The following RASSF3 variants were observed in gnomAD, a reference collection of about 807,000 sequenced individuals.
RASSF3 encodes Ras association domain family member 3.
RASSF3 carries 19 observed loss-of-function variants against 19.9 expected under a neutral mutation model. The ratio of observed to expected loss-of-function variants is 0.96; its 90% confidence interval spans 0.67 to 1.40. The LOEUF (loss-of-function observed/expected upper bound fraction) is 1.40, where lower values mean the gene tolerates loss of function less well. Among genes scored for constraint, RASSF3 ranks in the 40% most tolerant of loss-of-function variants. The pLI is 0.00. For synonymous variants in RASSF3, 110 were observed against 104.2 expected, an observed-to-expected ratio of 1.06 and a Z score of -0.34; for missense variants, 306 against 289.8, an observed-to-expected ratio of 1.06 and a Z score of -0.41.
intron 2 of RASSF3, among the ~76,000 whole-genome samples, chr12:64,592,959 G>A (rs1869947608): frequency 6.6e-6 from 1 of 151,920 alleles, no homozygotes; most frequent in African/African-American, 2.4e-5. Flanking sequence ...TCTTCTCGAT[G>A]TTTGGGAATG....
chr12:64,585,673 C>T (rs1195219367), intron 2 of RASSF3, among the ~76,000 whole-genome samples: 9 of 148,194 alleles, frequency 6.1e-5, no homozygotes, highest in African/African-American at 7.5e-5. Flanking sequence ...GGCATAATCA[C>T]GGCTCATTCC....
chr12:64,690,445 A>C (rs1054872743), intron 3 of RASSF3, among the ~76,000 whole-genome samples: 4 of 151,918 alleles, frequency 2.6e-5, no homozygotes, highest in African/African-American at 7.3e-5. Context: ...TCGGCCTCCC[A>C]AAGTGCTGGG....
In RASSF3 at chr12:64,648,195, T is replaced by C. The variant is rs573378316; in HGVS notation, c.112-36592T>C. ...GTGTGACAGGCATAAACTTAGTGAG[T>C]AGGTGGCCCCAGATTTGGACCAGGT... On this transcript the variant is annotated intron_variant, in intron 1 of 4. Coordinates refer to ENST00000542104, the MANE Select transcript of RASSF3 (RefSeq NM_178169.4). Among the ~76,000 whole-genome samples, 13 of 152,234 alleles carry C rather than the reference T, an allele frequency of 8.5e-5. No individual in the cohort carries two copies. In the South Asian group the frequency reaches 2.3e-3, roughly 27 times the overall value.
intron 1 of RASSF3, among the ~76,000 whole-genome samples, chr12:64,537,127 C>T (rs1302965102): frequency 4.6e-5 from 7 of 152,150 alleles, no homozygotes; most frequent in Non-Finnish European, 8.8e-5. Flanking sequence ...CCTATTTCTC[C>T]CCCTATCTCT....
At chr12:64,631,490 A>C (rs755395449) in intron 1 of RASSF3, among the ~76,000 whole-genome samples, 1 of 152,056 alleles carries the variant, frequency 6.6e-6, no homozygotes, top group Non-Finnish European at 1.5e-5. Context: ...TAAAATGAGG[A>C]GCCTACAAGG....
intron 2 of RASSF3, among the ~76,000 whole-genome samples, chr12:64,553,526 T>G (rs374972064): frequency 2.6e-5 from 4 of 152,162 alleles, no homozygotes; most frequent in African/African-American, 9.7e-5. Context: ...AAACATCTGA[T>G]GCACTGTCCA....
chr12:64,561,394 G>A (rs1225691812), intron 2 of RASSF3, among the ~76,000 whole-genome samples: 1 of 152,210 alleles, frequency 6.6e-6, no homozygotes, highest in African/African-American at 2.4e-5. Context: ...TTTATTTTGT[G>A]TGAAGATATT....
chr12:64,608,258 C>A (rs1178676407), upstream of RASSF3, among the ~76,000 whole-genome samples: 1 of 151,984 alleles, frequency 6.6e-6, no homozygotes, highest in Non-Finnish European at 1.5e-5. Flanking sequence ...TAATCCAGTC[C>A]TTTGGAGCTT....
intron 1 of RASSF3, among the ~76,000 whole-genome samples, chr12:64,628,827 C>T (rs1871078329): frequency 6.6e-6 from 1 of 152,116 alleles, no homozygotes; most frequent in African/African-American, 2.4e-5. Flanking sequence ...CTTCAAGTGT[C>T]TCCTTTATTC....
At chr12:64,596,584 A>G (rs939428481) in intron 2 of RASSF3, among the ~76,000 whole-genome samples, 1 of 152,098 alleles carries the variant, frequency 6.6e-6, no homozygotes, top group Non-Finnish European at 1.5e-5. Flanking sequence ...CTATGGTCAG[A>G]GCTTGTTTGT....
intron 1 of RASSF3, among the ~76,000 whole-genome samples, chr12:64,628,934 T>G (rs1168784705): frequency 6.6e-6 from 1 of 151,790 alleles, no homozygotes; most frequent in African/African-American, 2.4e-5. Context: ...TTATTTTATT[T>G]TATTATTATT....
chr12:64,602,908 C>G (rs560452547), intron 2 of RASSF3, among the ~76,000 whole-genome samples: 6 of 151,924 alleles, frequency 3.9e-5, no homozygotes, highest in Non-Finnish European at 7.4e-5. Flanking sequence ...AGACCAGCCT[C>G]GCCAACATGG....
chr12:64,590,537 A>T (rs2136140329), intron 2 of RASSF3, among the ~76,000 whole-genome samples: 1 of 152,336 alleles, frequency 6.6e-6, no homozygotes, highest in African/African-American at 2.4e-5. Context: ...AACATTTTTA[A>T]GTAGTTTTAG....
At chr12:64,533,800 C>T (rs911701872) in intron 1 of RASSF3, among the ~76,000 whole-genome samples, 1 of 152,210 alleles carries the variant, frequency 6.6e-6, no homozygotes, top group Non-Finnish European at 1.5e-5. Context: ...CAGGAAGCAA[C>T]AGAAAATGCA....
rs1308367825 is a variant in RASSF3, at chr12:64,695,006, C to T, written c.*94C>T. 4 of 1,379,794 alleles carry T rather than the reference C, an allele frequency of 2.9e-6. No homozygotes were observed. The Admixed American group carries it at 8.7e-5, about 30-fold the overall frequency. The allele number at this position is 1,379,794 out of a possible 1,614,324, so 85.5% of individuals were successfully genotyped here. On this transcript the variant is annotated 3_prime_UTR_variant, in exon 5 of 5. Coordinates refer to ENST00000542104, the MANE Select transcript of RASSF3 (RefSeq NM_178169.4). Reference sequence around the variant, plus strand: ...CTCAGAGGGCTGCTGTCTTGCCCCACTATGCTAGGGTCTTCGCCTTTCTAT... The same window carrying T: ...CTCAGAGGGCTGCTGTCTTGCCCCATTATGCTAGGGTCTTCGCCTTTCTAT...
chr12:64,616,365 A>G (rs538580504), intron 1 of RASSF3, among the ~76,000 whole-genome samples: 50 of 152,354 alleles, frequency 3.3e-4, no homozygotes, highest in African/African-American at 1.2e-3. Context: ...TTTGGCAGTC[A>G]GTGCATGTCA....
At chr12:64,694,648 G>A in intron 4 of RASSF3, 115 bp from the exon 5 acceptor site, 1 of 1,154,004 alleles carries the variant, frequency 8.7e-7, no homozygotes, top group Non-Finnish European at 1.3e-6. Flanking sequence ...CACACCTTCT[G>A]CGGCATGGGG....
chr12:64,599,896 G>T (rs1365302094), intron 2 of RASSF3, among the ~76,000 whole-genome samples: 1 of 151,886 alleles, frequency 6.6e-6, no homozygotes, highest in Non-Finnish European at 1.5e-5. Context: ...GCCGGGCGTG[G>T]TGGCGGGCGC....
At chr12:64,647,139 C>G (rs1033968880) in intron 1 of RASSF3, among the ~76,000 whole-genome samples, 2 of 152,164 alleles carry the variant, frequency 1.3e-5, no homozygotes, top group African/African-American at 4.8e-5. Context: ...AACCCAATTT[C>G]TTTTATCTTT....
Sources: gnomAD v4.1 joint callset for allele counts (sites outside exome capture counted in the v4.1 genomes callset) on GRCh38, gnomAD v4.1.1 for gene constraint, MANE v1.5 for transcripts, NCBI Gene and HGNC (gene_info 2026-07-23, HGNC 2026-07-21) for gene names.